CNBD2: variants seen among roughly 807,000 people sequenced by gnomAD.
The protein encoded by CNBD2 is cyclic nucleotide-binding domain-containing protein 2.
A neutral mutation model predicts 63.7 loss-of-function variants in CNBD2; 64 were observed. The ratio of observed to expected loss-of-function variants is 1.00; its 90% CI spans 0.82 to 1.24. The LOEUF is 1.24. Among genes scored for constraint, CNBD2 ranks in the 50% most tolerant of loss-of-function variants. The probability of loss-of-function intolerance (pLI) is 0.00; values close to 1 mark genes in which losing one functional copy is unlikely to be tolerated. For synonymous variants in CNBD2, 229 were observed against 255.4 expected, an observed-to-expected ratio of 0.90 and a Z score of 0.99; for missense variants, 691 against 713.5, an observed-to-expected ratio of 0.97 and a Z score of 0.36.
intron 8 of CNBD2, among the ~76,000 whole-genome samples, chr20:36,006,021 G>A (rs966905571): frequency 6.6e-6 from 1 of 151,200 alleles, no homozygotes; most frequent in African/African-American, 2.4e-5. Flanking sequence ...TCTCATACTA[G>A]AGATTTTTTT....
chr20:36,002,671 T>A (rs557474159), intron 8 of CNBD2, among the ~76,000 whole-genome samples: 1 of 152,320 alleles, frequency 6.6e-6, no homozygotes, highest in South Asian at 2.1e-4. Flanking sequence ...TTTGGCTGAT[T>A]TTGAATTTTT....
intron 8 of CNBD2, among the ~76,000 whole-genome samples, chr20:35,998,166 C>T (rs542877928): frequency 9.9e-5 from 15 of 151,566 alleles, no homozygotes; most frequent in South Asian, 6.3e-4. Context: ...CTCAGCCTCC[C>T]GAGTAGCTGG....
chr20:36,015,670 T>C (rs1369726375), intron 10 of CNBD2, among the ~76,000 whole-genome samples: 1 of 151,802 alleles, frequency 6.6e-6, no homozygotes, highest in East Asian at 1.9e-4. Context: ...ACCTAAAAGA[T>C]CTCCCAATGG....
In CNBD2 at chr20:35,984,003, C is replaced by A. The variant is rs181356547; in HGVS notation, c.429C>A (p.Ile143=). 15 of 1,614,190 alleles carry A rather than the reference C, an allele frequency of 9.3e-6. No individual in the cohort carries two copies. In the East Asian group the frequency reaches 3.1e-4, roughly 34 times the overall value. ...CCAGGTTTGGTCGCAGGCGTGTGAT[C>A]ATCAAGAAGGGGCAGAAGGGCAACA... is the stretch of plus-strand genomic sequence containing the variant. ...RFERFGRRRV[I]IKKGQKGNSF... is the part of the protein sequence containing the mutation. Residue 143 remains isoleucine, a synonymous_variant, in exon 5 of 12, where the codon ATC becomes ATA. Transcript: ENST00000373973.
rs2056891294 is a variant in CNBD2, at chr20:36,001,007, T to TA, written c.970+5857dup. ...AACAAAGCACATCTTGCACCGCCCT[T>TA]AATCCATTTAACCCTGAGTGGACAC... On this transcript the variant is annotated intron_variant, in intron 8 of 11. Coordinates refer to ENST00000373973, the MANE Select transcript of CNBD2 (RefSeq NM_001365709.1). Among the ~76,000 whole-genome samples, 6 of 150,822 alleles carry TA rather than the reference T, an allele frequency of 4.0e-5. No individual in the cohort carries two copies. The East Asian group carries it at 1.2e-3, about 29-fold the overall frequency.
intron 2 of CNBD2, among the ~76,000 whole-genome samples, chr20:35,962,253 C>T (rs1303224092): frequency 6.8e-6 from 1 of 148,120 alleles, no homozygotes; most frequent in Non-Finnish European, 1.5e-5. Flanking sequence ...ATGCTCCCTG[C>T]AGTCTTTTTT....
rs1400478391 is a variant in CNBD2 at position 36,015,798 on chromosome 20, TGGA to T, written c.1269+4546_1269+4548del. 5.3e-5 allele frequency among the ~76,000 whole-genome samples: 8 copies of T among 152,322 alleles called. No homozygotes were observed. The South Asian group carries it at 1.5e-3, about 28-fold the overall frequency. On this transcript the variant is annotated intron_variant, in intron 10 of 11. Transcript: ENST00000373973. ...AATGAATTAATAATGAATTAATAAA[TGGA>T]GGAGAAGAGACAAATCTCCCTGCAG...
Position 36,012,799 on chromosome 20 carries a change from G to T in CNBD2, c.1269+1542G>T, listed in dbSNP as rs561229740. Among the ~76,000 whole-genome samples the T allele has an allele frequency of 8.4e-5, 11 of 130,948 alleles. No individual in the cohort carries two copies. The South Asian group carries it at 1.5e-3, about 17-fold the overall frequency. The allele number at this position is 130,948 out of a possible 152,430, so 85.9% of individuals were successfully genotyped here. ...ATCGCGCCATTGCACTCCAGCCTGGGCAACAAGAGTGAAAATCCGTCTCAA... is the reference window on the plus strand; with the variant it reads ...ATCGCGCCATTGCACTCCAGCCTGGTCAACAAGAGTGAAAATCCGTCTCAA... On this transcript the variant is annotated intron_variant, in intron 10 of 11. Transcript: ENST00000373973.
At chr20:35,976,880 T>C (rs2056527763) in intron 3 of CNBD2, among the ~76,000 whole-genome samples, 4 of 152,166 alleles carry the variant, frequency 2.6e-5, no homozygotes, top group Admixed American at 2.6e-4. Flanking sequence ...AACTTTATAA[T>C]GGGTATCAGG....
chr20:36,003,241 T>C (rs1424944519), intron 8 of CNBD2, among the ~76,000 whole-genome samples: 1 of 152,212 alleles, frequency 6.6e-6, no homozygotes, highest in Non-Finnish European at 1.5e-5. Context: ...AATTCCATCA[T>C]ATGTGTCATT....
In CNBD2 at chr20:35,968,620, G is replaced by C; in HGVS notation, c.-143G>C. On this transcript the variant is annotated 5_prime_UTR_variant, in exon 1 of 12. Coordinates refer to ENST00000373973, the MANE Select transcript of CNBD2 (RefSeq NM_001365709.1). ...AGGGCTTCCAGTAGCTGATGGTATGGTAGGAGGAGTGGAGTGGAGCTCTTG... is the reference window on the plus strand; with the variant it reads ...AGGGCTTCCAGTAGCTGATGGTATGCTAGGAGGAGTGGAGTGGAGCTCTTG... 1.7e-6 allele frequency: 1 copy of C among 597,118 alleles called. No individual in the cohort carries two copies. Among genetic ancestry groups the C allele is most frequent in the Non-Finnish European group, 3.0e-6 (1 of 327,952 alleles). The allele number at this position is 597,118 out of a possible 1,614,324, so 37.0% of individuals were successfully genotyped here. A position where few individuals can be genotyped will look rare whatever the true frequency, so the allele number is the denominator to read the frequency against.
At chr20:35,966,864 T>C (rs1250019988), upstream of CNBD2, among the ~76,000 whole-genome samples, 1 of 152,180 alleles carries the variant, frequency 6.6e-6, no homozygotes, top group Admixed American at 6.5e-5. Flanking sequence ...TTTTCTTCTT[T>C]CTCTTTTGTG....
upstream of CNBD2, among the ~76,000 whole-genome samples, chr20:35,967,656 C>T (rs944207624): frequency 3.3e-5 from 5 of 151,638 alleles, no homozygotes; most frequent in African/African-American, 4.8e-5. Context: ...AGCTTGAGAC[C>T]AGCCTGGGCA....
intron 8 of CNBD2, among the ~76,000 whole-genome samples, chr20:35,996,350 C>A (rs1284656731): frequency 6.6e-6 from 1 of 151,836 alleles, no homozygotes; most frequent in Non-Finnish European, 1.5e-5. Context: ...TTGGACACAT[C>A]CTAGGCTGTG....
chr20:36,010,040 G>A (rs6060752), intron 9 of CNBD2, among the ~76,000 whole-genome samples: 8,286 of 152,170 alleles, frequency 0.054, 316 homozygotes, highest in South Asian at 0.21. Context: ...TGTTGTTATC[G>A]GTATGATTGT....
chr20:36,008,157 ATCTT>A (rs1179443414), intron 8 of CNBD2, 136 bp from the exon 9 acceptor site: 9 of 689,356 alleles, frequency 1.3e-5, no homozygotes, highest in Non-Finnish European at 2.2e-5. Flanking sequence ...ACAGTGTTTT[ATCTT>A]TCTTTTTTTT....
chr20:35,987,526 T>A lies in CNBD2; in HGVS notation c.848T>A (p.Ile283Asn), dbSNP rs754661355. ...DFGESPFIMF[I>N]SKGSCEVLRL... ...GGAGAGTCACCCTTCATCATGTTTA[T>A]CAGCAAGGTGAAAAGTCTGGGGGTT... Residue 283 changes from isoleucine to asparagine, a missense_variant, in exon 7 of 12, where the codon ATC becomes AAC. Physicochemically the swap from Ile to Asn is moderately radical, Grantham distance 149. Transcript: ENST00000373973. The A allele has an allele frequency of 6.2e-7, 1 of 1,614,192 alleles. No homozygotes were observed. Among genetic ancestry groups the A allele is most frequent in the Non-Finnish European group, 8.5e-7 (1 of 1,180,028 alleles).
At chr20:35,966,471 T>G (rs548713112), upstream of CNBD2, among the ~76,000 whole-genome samples, 57 of 152,304 alleles carry the variant, frequency 3.7e-4, no homozygotes, top group Non-Finnish European at 6.6e-4. Flanking sequence ...AGTTTTCTAC[T>G]GAGGATCCTG....
Position 36,023,773 on chromosome 20 carries a change from T to G in CNBD2, c.1439+2T>G. ...AAAGCTCAATATTGCATTCCCCAGG[T>G]CAGTACTGGAAATGTGCGTAAGTCC... On this transcript the variant is annotated splice_donor_variant, in intron 11 of 11. Coordinates refer to ENST00000373973, the MANE Select transcript of CNBD2 (RefSeq NM_001365709.1). LOFTEE classifies it high-confidence loss of function. 6.2e-7 allele frequency: 1 copy of G among 1,606,236 alleles called. No individual in the cohort carries two copies. Among genetic ancestry groups the G allele is most frequent in the Non-Finnish European group, 8.5e-7 (1 of 1,176,626 alleles).
Sources: allele counts gnomAD v4.1 joint callset (sites outside exome capture counted in the v4.1 genomes callset), GRCh38; gene constraint gnomAD v4.1.1; transcripts MANE v1.5; gene names NCBI Gene and HGNC (gene_info 2026-07-23, HGNC 2026-07-21).